The following ZC3H12B variants were observed in gnomAD, a reference collection of about 807,000 sequenced individuals.
The protein encoded by ZC3H12B is probable ribonuclease ZC3H12B.
Under a neutral mutation model 43.9 loss-of-function variants are expected in ZC3H12B, and 7 were observed. The ratio of observed to expected loss-of-function variants is 0.16; its 90% CI spans 0.09 to 0.30. The LOEUF is 0.30. Ranked by LOEUF, ZC3H12B falls within the 10% of genes least tolerant of loss-of-function variation. The pLI is 1.00. For synonymous variants in ZC3H12B, 222 were observed against 241.7 expected (o/e 0.92, Z 0.76); for missense variants, 475 against 670.2 (o/e 0.71, Z 3.22).
chrX:65,190,849 G>C, the ZC3H12B span, among the ~76,000 whole-genome samples: 3 of 105,888 alleles, frequency 2.8e-5, no homozygotes, highest in East Asian at 8.9e-4. Flanking sequence ...AATAGGAGTG[G>C]TGAGAGAGGG....
chrX:65,258,186 C>T, the ZC3H12B span, among the ~76,000 whole-genome samples: 6 of 111,435 alleles, frequency 5.4e-5, no homozygotes, highest in African/African-American at 2.0e-4. Flanking sequence ...AGTTAATCCA[C>T]TACAATCAAG....
chrX:65,467,329 C>A (rs1314775433), intron 3 of ZC3H12B, among the ~76,000 whole-genome samples: 1 of 110,796 alleles, frequency 9.0e-6, no homozygotes, highest in Non-Finnish European at 1.9e-5. Flanking sequence ...ACAGGTACCA[C>A]ATTTTCTTTC....
Position 65,433,784 on chromosome X carries a change from T to A in ZC3H12B, n.407+35080T>A, listed in dbSNP as rs1041316513. ...AAAGGTATATATTTTTAGTAATGTA[T>A]CTTGTGCTCTTCATCATGAGGAGCT... On this transcript the variant is annotated intron_variant and non_coding_transcript_variant, in intron 3 of 5. Coordinates refer to the ZC3H12B transcript ENST00000617377. Among the ~76,000 whole-genome samples the A allele has an allele frequency of 1.4e-4, 16 of 111,842 alleles. 1 individual carries two copies. Among genetic ancestry groups the A allele is most frequent in the African/African-American group, 5.2e-4 (16 of 30,778 alleles).
At chrX:65,088,232 T>C in the ZC3H12B span, among the ~76,000 whole-genome samples, 1 of 111,782 alleles carries the variant, frequency 8.9e-6, no homozygotes, top group African/African-American at 3.3e-5. Context: ...TCTATGATAG[T>C]ACTCTCAAAA....
chrX:65,330,092 A>T, the ZC3H12B span, among the ~76,000 whole-genome samples: 3 of 107,906 alleles, frequency 2.8e-5, no homozygotes, highest in African/African-American at 1.0e-4. Context: ...GAAGAAAGTC[A>T]TTAGTAACTT....
chrX:65,259,623 G>C, the ZC3H12B span, among the ~76,000 whole-genome samples: 3 of 111,974 alleles, frequency 2.7e-5, no homozygotes, highest in Non-Finnish European at 5.6e-5. Flanking sequence ...CTGTTGATGG[G>C]AATGTAAAAT....
At chrX:65,190,720 G>C in the ZC3H12B span, among the ~76,000 whole-genome samples, 2 of 108,848 alleles carry the variant, frequency 1.8e-5, no homozygotes, top group Non-Finnish European at 3.8e-5. Flanking sequence ...GGGTTTTCTA[G>C]ATATACAATC....
the ZC3H12B span, among the ~76,000 whole-genome samples, chrX:65,152,858 C>G: frequency 1.8e-5 from 2 of 111,913 alleles, no homozygotes; most frequent in East Asian, 5.6e-4. Context: ...GTAACCAAAA[C>G]AGCATGGTAC....
upstream of ZC3H12B, among the ~76,000 whole-genome samples, chrX:65,365,820 C>A (rs58957821): frequency 0.082 from 8,921 of 108,997 alleles, 1,017 homozygotes; most frequent in African/African-American, 0.29. Context: ...GACCCCCACC[C>A]CTGTCCGCCA....
At chrX:65,115,815 G>A in the ZC3H12B span, among the ~76,000 whole-genome samples, 2 of 111,804 alleles carry the variant, frequency 1.8e-5, no homozygotes, top group East Asian at 2.8e-4. Context: ...GTGATGCTGA[G>A]CATTTTTCCA....
the ZC3H12B span, among the ~76,000 whole-genome samples, chrX:65,261,938 T>A: frequency 9.0e-6 from 1 of 110,869 alleles, no homozygotes; most frequent in Admixed American, 9.6e-5. Context: ...TTTCACTCCC[T>A]AAATATAATT....
exon 5 of ZC3H12B, chrX:65,504,581 C>G (rs1486555704): frequency 8.9e-5 from 10 of 112,440 alleles, no homozygotes; most frequent in Middle Eastern, 4.6e-3. Flanking sequence ...AAGAGTTTGA[C>G]AAGGACCAGG....
At chrX:65,455,447 A>G (rs1456019655) in intron 3 of ZC3H12B, among the ~76,000 whole-genome samples, 1 of 112,127 alleles carries the variant, frequency 8.9e-6, no homozygotes, top group East Asian at 2.8e-4. Context: ...AAAAGAAACG[A>G]ATAAAGCCTC....
chrX:65,282,567 C>T, the ZC3H12B span, among the ~76,000 whole-genome samples: 12 of 110,484 alleles, frequency 1.1e-4, no homozygotes, highest in East Asian at 5.7e-4. Flanking sequence ...CAACAGAATT[C>T]GTAGACAGCA....
At chrX:65,398,424 C>T (rs754944911) in intron 2 of ZC3H12B, among the ~76,000 whole-genome samples, 169 bp from the exon 5 acceptor site, 2 of 111,733 alleles carry the variant, frequency 1.8e-5, no homozygotes, top group Admixed American at 9.5e-5. Flanking sequence ...AATCTTGTTT[C>T]GAATTGTAAT....
chrX:65,456,699 C>T (rs768740169), intron 3 of ZC3H12B, among the ~76,000 whole-genome samples: 101 of 108,924 alleles, frequency 9.3e-4, no homozygotes, highest in African/African-American at 3.3e-3. Context: ...CAGCCTCGGC[C>T]TCCCGAGGCA....
the ZC3H12B span, among the ~76,000 whole-genome samples, chrX:65,190,228 G>C: frequency 9.1e-6 from 1 of 110,235 alleles, no homozygotes; most frequent in Non-Finnish European, 1.9e-5. Context: ...AAGTCAGGTA[G>C]TGTGATGCCT....
At chrX:65,392,361 G>C (rs749658450) in intron 2 of ZC3H12B, among the ~76,000 whole-genome samples, 2 of 111,411 alleles carry the variant, frequency 1.8e-5, no homozygotes, top group South Asian at 3.8e-4. Context: ...GATGTGGGGA[G>C]CACCTCTGCC....
chrX:65,448,313 C>A (rs775262182), intron 3 of ZC3H12B, among the ~76,000 whole-genome samples: 1 of 111,474 alleles, frequency 9.0e-6, no homozygotes, highest in Non-Finnish European at 1.9e-5. Context: ...ATTATTATAA[C>A]CTCTATGGAA....
Sources: allele counts gnomAD v4.1 joint callset (sites outside exome capture counted in the v4.1 genomes callset), GRCh38; gene constraint gnomAD v4.1.1; transcripts MANE v1.5; gene names NCBI Gene and HGNC (gene_info 2026-07-23, HGNC 2026-07-21).